The following MFHAS1 variants were observed in gnomAD, a reference collection of about 807,000 sequenced individuals.
MFHAS1 encodes malignant fibrous histiocytoma-amplified sequence 1.
MFHAS1 carries 50 observed loss-of-function variants against 70.4 expected under a neutral mutation model. The observed-to-expected ratio is 0.71, with a 90% CI of 0.57 to 0.90. MFHAS1 has a LOEUF of 0.90. Ranked by LOEUF, MFHAS1 falls within the 40% of genes least tolerant of loss-of-function variation. The pLI is 0.00. For missense variants in MFHAS1, 1,795 were observed against 1,347.6 expected (o/e 1.33, Z -5.20); for synonymous variants, 952 against 620.0 (o/e 1.54, Z -7.96).
chr8:8,843,614 G>C (rs890822809), intron 1 of MFHAS1, among the ~76,000 whole-genome samples: 1 of 152,168 alleles, frequency 6.6e-6, no homozygotes, highest in Non-Finnish European at 1.5e-5. Flanking sequence ...AAAAGAAAGT[G>C]AGAGAGAAAG....
At chr8:8,847,372 G>C (rs1350041616) in intron 1 of MFHAS1, among the ~76,000 whole-genome samples, 2 of 152,132 alleles carry the variant, frequency 1.3e-5, no homozygotes, top group Admixed American at 6.5e-5. Flanking sequence ...AGTAGAGACG[G>C]GGTTTCACCA....
At chr8:8,829,901 C>G (rs1807316449) in intron 1 of MFHAS1, among the ~76,000 whole-genome samples, 2 of 152,166 alleles carry the variant, frequency 1.3e-5, no homozygotes, top group African/African-American at 2.4e-5. Flanking sequence ...GCCCAGAGGC[C>G]AGATGGTCTG....
At chr8:8,887,573 AATT>A (rs1477110191) in intron 1 of MFHAS1, among the ~76,000 whole-genome samples, 2 of 150,252 alleles carry the variant, frequency 1.3e-5, no homozygotes, top group Admixed American at 1.3e-4. Flanking sequence ...CATATTTTAT[AATT>A]ATATGTATAT....
chr8:8,871,586 A>G (rs1388143183), intron 1 of MFHAS1, among the ~76,000 whole-genome samples: 2 of 152,220 alleles, frequency 1.3e-5, no homozygotes, highest in African/African-American at 2.4e-5. Flanking sequence ...CTTGACATCT[A>G]TTCATTCATT....
At chr8:8,834,591 G>C (rs780969633) in intron 1 of MFHAS1, among the ~76,000 whole-genome samples, 3 of 152,100 alleles carry the variant, frequency 2.0e-5, no homozygotes, top group Admixed American at 2.0e-4. Context: ...TTCTATTCTA[G>C]GAGCAACAGG....
At chr8:8,885,563 A>G (rs1234994961) in intron 1 of MFHAS1, among the ~76,000 whole-genome samples, 1 of 152,216 alleles carries the variant, frequency 6.6e-6, no homozygotes. Flanking sequence ...ATAAAAGCAT[A>G]AACAAATATC....
At chr8:8,839,304 A>C (rs1807716914) in intron 1 of MFHAS1, among the ~76,000 whole-genome samples, 2 of 152,314 alleles carry the variant, frequency 1.3e-5, no homozygotes, top group South Asian at 4.1e-4. Context: ...ATCTTCATCC[A>C]ACATATGTAA....
In MFHAS1 at chr8:8,838,798, C is replaced by T. The variant is rs576594386; in HGVS notation, c.2999-41307G>A. Among the ~76,000 whole-genome samples, 44 of 137,166 alleles carry T rather than the reference C, an allele frequency of 3.2e-4. No individual in the cohort carries two copies. The South Asian group carries it at 0.011, about 33-fold the overall frequency. The allele number at this position is 137,166 out of a possible 152,430, so 90.0% of individuals were successfully genotyped here. Reference sequence around the variant, plus strand: ...CTGCACTCCAGACTGAGCAACAGGGCGAGACCCTGCCTCAAAAAAAAAAAA... The same window carrying T: ...CTGCACTCCAGACTGAGCAACAGGGTGAGACCCTGCCTCAAAAAAAAAAAA... On this transcript the variant is annotated intron_variant, in intron 1 of 2. Transcript: ENST00000276282.
At chr8:8,868,293 C>T (rs776750011) in intron 1 of MFHAS1, among the ~76,000 whole-genome samples, 6 of 151,516 alleles carry the variant, frequency 4.0e-5, no homozygotes, top group Non-Finnish European at 8.8e-5. Flanking sequence ...ACTGCATGAG[C>T]ACTGTGTTGT....
Position 8,890,777 on chromosome 8 carries a change from T to G in MFHAS1, c.2282A>C (p.Lys761Thr), listed in dbSNP as rs766868644. 1.2e-6 allele frequency: 2 copies of G among 1,614,124 alleles called. No individual in the cohort carries two copies. Among genetic ancestry groups the G allele is most frequent in the Non-Finnish European group, 1.7e-6 (2 of 1,180,016 alleles). Residue 761 changes from lysine (K) to threonine (T), a missense_variant, in exon 1 of 3, where the codon AAG (lysine) becomes ACG (threonine). Coordinates refer to ENST00000276282, the MANE Select transcript of MFHAS1 (RefSeq NM_004225.3). The part of the protein sequence containing the change: ...KLLLGTSGEG[K>T]AEGESSPPMA... ...GGGCGGGGAGCTTTCCCCCTCCGCC[T>G]TGCCCTCTCCACTGGTCCCTAGGAG...
chr8:8,890,898 C>T lies in MFHAS1; in HGVS notation c.2161G>A (p.Ala721Thr). ...GKLLYFEDSPALKEHVFHNLT... is the reference protein window; with the variant it reads ...GKLLYFEDSPTLKEHVFHNLT... ...TTGTGGAAGACGTGCTCCTTGAGAG[C>T]CGGACTGTCCTCAAAGTAGAGTAGC... is the stretch of plus-strand genomic sequence containing the variant. Residue 721 changes from alanine to threonine, a missense_variant, in exon 1 of 3, where the codon GCT becomes ACT. By Grantham distance (58) the Ala-to-Thr change is moderately conservative (BLOSUM62 0). Transcript: ENST00000276282. The T allele has an allele frequency of 6.2e-7, 1 of 1,614,118 alleles. No individual in the cohort carries two copies. Among genetic ancestry groups the T allele is most frequent in the Admixed American group, 1.7e-5 (1 of 60,024 alleles).
rs7831406 is a variant in MFHAS1, at chr8:8,841,737, G to A, written c.2999-44246C>T. ...GTTATACTCTTCCCTGCTCCACGAA[G>A]CCTTCCAGACCCCACATGGGCCACA... On this transcript the variant is annotated intron_variant, in intron 1 of 2. Coordinates refer to ENST00000276282, the MANE Select transcript of MFHAS1 (RefSeq NM_004225.3). 4.8e-3 allele frequency among the ~76,000 whole-genome samples: 729 copies of A among 152,276 alleles called. 7 individuals carry two copies. Among genetic ancestry groups the A allele is most frequent in the African/African-American group, 0.016 (685 of 41,556 alleles).
At position 8,862,151 on chromosome 8, in the gene MFHAS1, G is replaced by A. The variant is rs59433030; in HGVS notation, c.2998+27910C>T. Among the ~76,000 whole-genome samples the A allele has an allele frequency of 7.9e-5, 12 of 152,292 alleles. 1 individual carries two copies. The East Asian group carries it at 2.3e-3, about 29-fold the overall frequency. ...GTATCATTTTCCACTCCCAAGAGCAGCGTAGGAAAGCTCCAGTTGTCACAG... is the reference window on the plus strand; with the variant it reads ...GTATCATTTTCCACTCCCAAGAGCAACGTAGGAAAGCTCCAGTTGTCACAG... On this transcript the variant is annotated intron_variant, in intron 1 of 2. Transcript: ENST00000276282.
At chr8:8,809,761 T>G (rs1160341773) in intron 1 of MFHAS1, among the ~76,000 whole-genome samples, 1 of 152,154 alleles carries the variant, frequency 6.6e-6, no homozygotes, top group Non-Finnish European at 1.5e-5. Flanking sequence ...AGCCCTCTCC[T>G]CTCACAAAAC....
intron 1 of MFHAS1, among the ~76,000 whole-genome samples, chr8:8,830,166 C>T (rs1026852468): frequency 6.6e-6 from 1 of 152,094 alleles, no homozygotes; most frequent in African/African-American, 2.4e-5. Flanking sequence ...ACACCTCTGG[C>T]GTGGGGAGCC....
chr8:8,891,217 G>A lies in MFHAS1; in HGVS notation c.1842C>T (p.Leu614=). 1 of 1,612,686 alleles carries A rather than the reference G, an allele frequency of 6.2e-7. No homozygotes were observed. Among genetic ancestry groups the A allele is most frequent in the Non-Finnish European group, 8.5e-7 (1 of 1,180,034 alleles). ...RRRKAHFQYL[L]NHRLQILSPV... ...GGGAGAGGATCTGCAGCCGGTGGTT[G>A]AGCAGGTATTGAAAATGGGCCTTGC... The change falls in exon 1 of 3, where the codon CTC becomes CTT. Residue 614 remains leucine, a synonymous_variant. Coordinates refer to ENST00000276282, the MANE Select transcript of MFHAS1 (RefSeq NM_004225.3). The surrounding 1 kb of genome is among the most constrained non-coding windows in gnomAD (Gnocchi z 5.4).
intron 1 of MFHAS1, among the ~76,000 whole-genome samples, chr8:8,804,870 T>C (rs138124679): frequency 6.0e-4 from 92 of 152,342 alleles, no homozygotes; most frequent in African/African-American, 2.2e-3. Flanking sequence ...TGACCTCAGC[T>C]TTTCCTTGTT....
intron 1 of MFHAS1, among the ~76,000 whole-genome samples, chr8:8,804,443 C>G (rs960782917): frequency 2.6e-5 from 4 of 152,206 alleles, no homozygotes; most frequent in Non-Finnish European, 5.9e-5. Context: ...CATAAACACC[C>G]TTCAGCGTCT....
At chr8:8,802,867 T>C (rs1806129186) in intron 1 of MFHAS1, among the ~76,000 whole-genome samples, 1 of 152,204 alleles carries the variant, frequency 6.6e-6, no homozygotes, top group African/African-American at 2.4e-5. Context: ...CCACACGGGA[T>C]GCTGAATTCA....
Sources: allele counts gnomAD v4.1 joint callset (sites outside exome capture counted in the v4.1 genomes callset), GRCh38; gene constraint gnomAD v4.1.1; non-coding constraint Gnocchi (gnomAD v3.1); transcripts MANE v1.5; gene names NCBI Gene and HGNC (gene_info 2026-07-23, HGNC 2026-07-21).